CFAP418: variants seen among roughly 807,000 people sequenced by gnomAD.
CFAP418 encodes the protein cilia and flagella associated protein 418.
Under a neutral mutation model 24.7 loss-of-function variants are expected in CFAP418, and 27 were observed. That is an observed-to-expected ratio of 1.09 (90% confidence interval 0.81 to 1.51). The LOEUF (loss-of-function observed/expected upper bound fraction) is 1.51, where lower values mean the gene tolerates loss of function less well. CFAP418 is among the 40% of genes most tolerant of loss of function. CFAP418 has a pLI of 0.00. For synonymous variants in CFAP418, 74 were observed against 87.3 expected (o/e 0.85, Z 0.85); for missense variants, 257 against 255.2 (o/e 1.01, Z -0.05).
At chr8:95,260,778 A>AT (rs1348279237) in intron 2 of CFAP418, among the ~76,000 whole-genome samples, 2 of 152,210 alleles carry the variant, frequency 1.3e-5, no homozygotes, top group African/African-American at 2.4e-5. Context: ...ATATATTGCC[A>AT]TTATTAGCAT....
Position 95,252,231 on chromosome 8 carries a change from C to A in CFAP418, c.427G>T (p.Asp143Tyr), listed in dbSNP as rs1811720294. 6.2e-7 allele frequency: 1 copy of A among 1,613,728 alleles called. No individual in the cohort carries two copies. Among genetic ancestry groups the A allele is most frequent in the Non-Finnish European group, 8.5e-7 (1 of 1,179,834 alleles). ...CACGATTTGTCCCACATATAGTCAT[C>A]ATAGCTGACTACCAAGAAATCACAG... ...IACDFLVVSY[D>Y]DYMWDKSCDY... The change falls in exon 5 of 6, where the codon GAT (aspartate) becomes TAT (tyrosine). Residue 143 changes from aspartate to tyrosine, a missense_variant. Physicochemically the swap from Asp to Tyr is radical, Grantham distance 160 (BLOSUM62 -3). Coordinates refer to ENST00000286688, the MANE Select transcript of CFAP418 (RefSeq NM_177965.4).
In CFAP418 at chr8:95,252,301, A is replaced by G. The variant is rs1284857356; in HGVS notation, c.375-18T>C. ...CACATGCTCTGTTCAGAGAAAAAAAATTGTATATTAAAGATTATTGGTATC... is the reference window on the plus strand; with the variant it reads ...CACATGCTCTGTTCAGAGAAAAAAAGTTGTATATTAAAGATTATTGGTATC... On this transcript the variant is annotated intron_variant, in intron 4 of 5. Transcript: ENST00000286688. The G allele has an allele frequency of 6.5e-7, 1 of 1,545,540 alleles. No homozygotes were observed. The highest frequency in any genetic ancestry group is 1.7e-5 in the Admixed American group (1 of 57,272).
Position 95,269,185 on chromosome 8 carries a change from G to A in CFAP418, c.5C>T (p.Ala2Val), listed in dbSNP as rs369471163. Residue 2 changes from alanine to valine, a missense_variant, in exon 1 of 6, where the codon GCG becomes GTG. Coordinates refer to ENST00000286688, the MANE Select transcript of CFAP418 (RefSeq NM_177965.4). ...ATCCAAGAGCTCGTCCAGGTCCTCC[G>A]CCATCTTGAATCGCCTGGCCTTTTC... M[A>V]EDLDELLDEV... The A allele has an allele frequency of 1.2e-6, 2 of 1,614,000 alleles. No individual in the cohort carries two copies. Among genetic ancestry groups the A allele is most frequent in the Admixed American group, 1.7e-5 (1 of 60,014 alleles).
At chr8:95,260,401 C>G in intron 3 of CFAP418, 67 bp downstream of exon 3, 1 of 1,186,684 alleles carries the variant, frequency 8.4e-7, no homozygotes, top group Non-Finnish European at 1.2e-6. Context: ...GTAACAAAAT[C>G]TACTAGACTA....
intron 1 of CFAP418, among the ~76,000 whole-genome samples, chr8:95,266,887 G>T (rs1811991456): frequency 6.6e-6 from 1 of 152,232 alleles, no homozygotes; most frequent in South Asian, 2.1e-4. Flanking sequence ...GGTTGGAGAA[G>T]ATCCACATAA....
chr8:95,269,117 C>T lies in CFAP418; in HGVS notation c.73G>A (p.Gly25Ser), dbSNP rs1284657131. 4 of 1,614,230 alleles carry T rather than the reference C, an allele frequency of 2.5e-6. No individual in the cohort carries two copies. The highest frequency in any genetic ancestry group is 3.4e-6 in the Non-Finnish European group (4 of 1,180,030). Residue 25 changes from glycine (G) to serine (S), a missense_variant, in exon 1 of 6, where the codon GGT becomes AGT. Transcript: ENST00000286688. Reference sequence around the variant, plus strand: ...CAGCCTTTGGGCTGCTCGACCATACCCCGTCTTAGAAGGTCAGGTGTGCAA... The same window carrying T: ...CAGCCTTTGGGCTGCTCGACCATACTCCGTCTTAGAAGGTCAGGTGTGCAA... ...KFCTPDLLRR[G>S]MVEQPKGCGG...
At chr8:95,257,194 C>T (rs1043357228) in intron 4 of CFAP418, among the ~76,000 whole-genome samples, 5 of 152,258 alleles carry the variant, frequency 3.3e-5, no homozygotes, top group East Asian at 3.8e-4. Flanking sequence ...CTGAAAATGA[C>T]GGAGACAAGT....
chr8:95,265,954 T>C (rs1811971722), intron 1 of CFAP418, among the ~76,000 whole-genome samples: 1 of 152,222 alleles, frequency 6.6e-6, no homozygotes, highest in African/African-American at 2.4e-5. Context: ...CTTTTAAAGA[T>C]ATAGTTTCTG....
At chr8:95,268,135 CT>C (rs1019295670) in intron 1 of CFAP418, among the ~76,000 whole-genome samples, 1 of 152,152 alleles carries the variant, frequency 6.6e-6, no homozygotes, top group Non-Finnish European at 1.5e-5. Flanking sequence ...CTCATCTTAA[CT>C]CCCTGAGTTA....
intron 5 of CFAP418, 72 bp from the exon 6 acceptor site, chr8:95,247,842 G>T: frequency 2.9e-6 from 3 of 1,044,772 alleles, no homozygotes; most frequent in Non-Finnish European, 4.1e-6. Context: ...AAAAAAAAAA[G>T]GTCATTGCTT....
rs1701754566 is a variant in CFAP418, at chr8:95,246,601, G to T, written c.*1016C>A. The stretch of plus-strand genomic sequence containing the variant: ...AAAGCTCCCAAAATCTCTCAATGGG[G>T]TTGGGAGCTAGAAATTTTGAGGGAC... On this transcript the variant is annotated 3_prime_UTR_variant, in exon 6 of 6. Coordinates refer to ENST00000286688, the MANE Select transcript of CFAP418 (RefSeq NM_177965.4). 1 of 152,204 alleles carries T rather than the reference G, an allele frequency of 6.6e-6. No homozygotes were observed. Among genetic ancestry groups the T allele is most frequent in the African/African-American group, 2.4e-5 (1 of 41,448 alleles). 9.4% of individuals were successfully genotyped at this position (152,204 alleles called of 1,614,324 possible). A position where few individuals can be genotyped will look rare whatever the true frequency, so the allele number is the denominator to read the frequency against.
At chr8:95,256,194 G>A (rs987478924) in intron 4 of CFAP418, among the ~76,000 whole-genome samples, 3 of 151,664 alleles carry the variant, frequency 2.0e-5, no homozygotes, top group African/African-American at 7.3e-5. Flanking sequence ...TTAATGAAAT[G>A]TTTACTTTTT....
intron 4 of CFAP418, among the ~76,000 whole-genome samples, chr8:95,254,854 G>A (rs143218666): frequency 2.5e-4 from 38 of 152,304 alleles, no homozygotes; most frequent in Middle Eastern, 3.4e-3. Flanking sequence ...AACCAATCTG[G>A]ATCCTTGCTT....
intron 1 of CFAP418, chr8:95,268,751 C>CGGGCA (rs1554559614): frequency 1.8e-5 from 2 of 113,994 alleles, no homozygotes; most frequent in African/African-American, 6.7e-5. Flanking sequence ...GCGGGCTCTG[C>CGGGCA]GGGCGGGGCG....
intron 1 of CFAP418, among the ~76,000 whole-genome samples, chr8:95,268,543 G>A (rs891445264): frequency 6.6e-6 from 1 of 151,890 alleles, no homozygotes; most frequent in South Asian, 2.1e-4. Flanking sequence ...GGGGTCTGAG[G>A]CAATGGGATG....
intron 1 of CFAP418, among the ~76,000 whole-genome samples, chr8:95,264,628 T>C (rs1484769699): frequency 6.6e-6 from 1 of 152,212 alleles, no homozygotes; most frequent in African/African-American, 2.4e-5. Flanking sequence ...AAGTAGATGC[T>C]GTACATCAAC....
intron 5 of CFAP418, among the ~76,000 whole-genome samples, chr8:95,248,498 A>T (rs13250483): frequency 0.067 from 10,142 of 152,280 alleles, 418 homozygotes; most frequent in Non-Finnish European, 0.088. Context: ...AACTATAGAA[A>T]ATTTTCATTA....
chr8:95,256,056 T>C (rs1811782170), intron 4 of CFAP418, among the ~76,000 whole-genome samples: 17 of 152,232 alleles, frequency 1.1e-4, no homozygotes, highest in Admixed American at 1.1e-3. Context: ...ACTAATAGTA[T>C]GTGATAGGAG....
At chr8:95,266,256 T>A (rs2132166408) in intron 1 of CFAP418, among the ~76,000 whole-genome samples, 1 of 152,334 alleles carries the variant, frequency 6.6e-6, no homozygotes, top group South Asian at 2.1e-4. Context: ...AGCTATATTA[T>A]CTTTAAATAT....
Sources: allele counts gnomAD v4.1 joint callset (sites outside exome capture counted in the v4.1 genomes callset), GRCh38; gene constraint gnomAD v4.1.1; transcripts MANE v1.5; gene names NCBI Gene and HGNC (gene_info 2026-07-23, HGNC 2026-07-21).